RIMBP2: variants seen among roughly 807,000 people sequenced by gnomAD.
RIMBP2 encodes RIMS binding protein 2.
In RIMBP2, 48 loss-of-function variants were observed where a neutral mutation model predicts 118.6. The ratio of observed to expected loss-of-function variants is 0.40; its 90% CI spans 0.32 to 0.51. RIMBP2 has a LOEUF of 0.51. RIMBP2 is among the 20% of genes least tolerant of loss of function. The probability of loss-of-function intolerance (pLI) is 0.41; values close to 1 mark genes in which losing one functional copy is unlikely to be tolerated. For synonymous variants in RIMBP2, 762 were observed against 742.9 expected (o/e 1.03, Z -0.42); for missense variants, 1,551 against 1,768.3 (o/e 0.88, Z 2.20).
At chr12:130,468,034 T>C (rs1335474454) in intron 6 of RIMBP2, among the ~76,000 whole-genome samples, 1 of 152,132 alleles carries the variant, frequency 6.6e-6, no homozygotes, top group Non-Finnish European at 1.5e-5. Flanking sequence ...GAATGTTCTG[T>C]CTACAGAAAG....
chr12:130,472,768 C>T (rs1036271345), intron 5 of RIMBP2, among the ~76,000 whole-genome samples: 2 of 152,120 alleles, frequency 1.3e-5, no homozygotes, highest in Non-Finnish European at 2.9e-5. Context: ...AATGAAGAGT[C>T]GTCTGAGGTT....
At chr12:130,409,273 C>A (rs1218419492) in intron 19 of RIMBP2, among the ~76,000 whole-genome samples, 1 of 150,580 alleles carries the variant, frequency 6.6e-6, no homozygotes, top group African/African-American at 2.4e-5. Context: ...GATCTGTTTC[C>A]TGTCCCAGAC....
chr12:130,598,043 A>G (rs1409360420), intron 2 of RIMBP2, among the ~76,000 whole-genome samples: 2 of 152,254 alleles, frequency 1.3e-5, no homozygotes. Flanking sequence ...TTGGCAAGGT[A>G]GCAGAAAAGG....
At chr12:130,561,426 G>A (rs1053467660) in intron 2 of RIMBP2, among the ~76,000 whole-genome samples, 2 of 152,130 alleles carry the variant, frequency 1.3e-5, no homozygotes, top group Non-Finnish European at 2.9e-5. Context: ...GTTAAAAGAG[G>A]AGCGTCAGAT....
In RIMBP2 at chr12:130,442,551, G is replaced by A. The variant is rs750461647; in HGVS notation, c.801C>T (p.Asn267=). ...ASTLGNEQDQ[N]FINHSGIGLE... ...GGCCGATGCCGGAATGGTTGATGAAGTTCTGATCCTGCTCGTTCCCCAGCG... is the reference window on the plus strand; with the variant it reads ...GGCCGATGCCGGAATGGTTGATGAAATTCTGATCCTGCTCGTTCCCCAGCG... The change falls in exon 11 of 23, where the codon AAC becomes AAT. Residue 267 remains asparagine (N), a synonymous_variant. Transcript: ENST00000690449. This position sits in a 1 kb window ranked among gnomAD's most constrained non-coding sequence, Gnocchi z 6.9. 2.5e-6 allele frequency: 4 copies of A among 1,614,084 alleles called. No homozygotes were observed. The African/African-American group carries it at 4.0e-5, about 16-fold the overall frequency.
intron 3 of RIMBP2, among the ~76,000 whole-genome samples, chr12:130,517,379 C>T (rs11609863): frequency 0.052 from 7,849 of 152,160 alleles, 273 homozygotes; most frequent in South Asian, 0.16. Flanking sequence ...AAATAGATTC[C>T]TTTTCTTTAT....
intron 1 of RIMBP2, among the ~76,000 whole-genome samples, chr12:130,686,152 C>T (rs923199942): frequency 6.6e-5 from 10 of 152,202 alleles, no homozygotes; most frequent in Non-Finnish European, 2.9e-5. Context: ...CTGGCAGTCA[C>T]GGCCAGAGCC....
Position 130,442,273 on chromosome 12 carries a change from T to A in RIMBP2, c.1079A>T (p.Asn360Ile), listed in dbSNP as rs78067928. The change falls in exon 11 of 23, where the codon AAC (asparagine) becomes ATC (isoleucine). Residue 360 changes from asparagine (N) to isoleucine (I), a missense_variant. Asn to Ile is a moderately radical substitution (Grantham distance 149). Transcript: ENST00000690449. This position sits in a 1 kb window ranked among gnomAD's most constrained non-coding sequence, Gnocchi z 6.9. The stretch of plus-strand genomic sequence containing the variant: ...TTTAGTTCTGCTCCCCAGCGTGAGG[T>A]TCATGCGTGTCTCCTTGTCCACCAG... The part of the protein sequence containing the change: ...NVLVDKETRM[N>I]LTLGSRTKAL... 6.6e-3 allele frequency: 10,676 copies of A among 1,613,986 alleles called. 49 individuals carry two copies. Among genetic ancestry groups the A allele is most frequent in the Non-Finnish European group, 8.0e-3 (9,435 of 1,180,000 alleles).
intron 7 of RIMBP2, 69 bp from the exon 8 acceptor site, chr12:130,451,409 C>G (rs74471843): frequency 6.7e-7 from 1 of 1,502,138 alleles, no homozygotes; most frequent in Non-Finnish European, 9.0e-7. Context: ...GTTGGTCATG[C>G]GCCTACCCGG....
chr12:130,615,293 ATATGTG>A (rs1566372175), intron 2 of RIMBP2, among the ~76,000 whole-genome samples: 1 of 129,542 alleles, frequency 7.7e-6, no homozygotes, highest in African/African-American at 2.8e-5. Context: ...ATATATATAT[ATATGTG>A]TACACACAAA....
At chr12:130,571,272 G>A (rs1463762434) in intron 2 of RIMBP2, among the ~76,000 whole-genome samples, 1 of 152,148 alleles carries the variant, frequency 6.6e-6, no homozygotes, top group Non-Finnish European at 1.5e-5. Flanking sequence ...AAACAGCCAT[G>A]CATGGGTCCC....
intron 1 of RIMBP2, among the ~76,000 whole-genome samples, chr12:130,684,853 C>A (rs752504324): frequency 6.6e-6 from 1 of 152,116 alleles, no homozygotes; most frequent in Non-Finnish European, 1.5e-5. Flanking sequence ...TGCCCTGCTC[C>A]GTCTATGGAG....
intron 2 of RIMBP2, among the ~76,000 whole-genome samples, chr12:130,547,661 C>A (rs181051656): frequency 6.6e-6 from 1 of 152,192 alleles, no homozygotes. Flanking sequence ...GTCACGTCAG[C>A]CCCGAAATGG....
intron 2 of RIMBP2, among the ~76,000 whole-genome samples, chr12:130,568,546 T>G (rs1055208506): frequency 6.6e-6 from 1 of 152,204 alleles, no homozygotes; most frequent in African/African-American, 2.4e-5. Context: ...CGTGCTCCCC[T>G]CTGGGAAACC....
rs111914421 is a variant in RIMBP2, at chr12:130,457,967, G to C, written c.154-1267C>G. On this transcript the variant is annotated intron_variant, in intron 6 of 22. Transcript: ENST00000690449. ...CATCTGTGGGGCTGACGACACTGAC[G>C]TTTCCCCCAGTGAAATGTCAGCCCC... is the stretch of plus-strand genomic sequence containing the variant. Among the ~76,000 whole-genome samples the C allele has an allele frequency of 5.0e-3, 766 of 152,202 alleles. 6 individuals carry two copies. The highest frequency in any genetic ancestry group is 0.016 in the African/African-American group (685 of 41,520).
At chr12:130,583,678 C>T (rs1477021992) in intron 2 of RIMBP2, among the ~76,000 whole-genome samples, 1 of 151,616 alleles carries the variant, frequency 6.6e-6, no homozygotes, top group African/African-American at 2.4e-5. Context: ...ACTATCACGA[C>T]TATTACATCA....
intron 4 of RIMBP2, among the ~76,000 whole-genome samples, chr12:130,479,618 C>T (rs1402394091): frequency 3.2e-5 from 4 of 126,874 alleles, no homozygotes; most frequent in African/African-American, 4.6e-5. Context: ...GGCCTCGGGC[C>T]GAGTCCGCAC....
chr12:130,564,331 G>GGT (rs1555292838), intron 2 of RIMBP2, among the ~76,000 whole-genome samples: 1 of 151,684 alleles, frequency 6.6e-6, no homozygotes, highest in Non-Finnish European at 1.5e-5. Flanking sequence ...TCAGCACTGT[G>GGT]TTTTTTTCCC....
rs1423357001 is a variant in RIMBP2 at position 130,585,369 on chromosome 12, C to G, written c.-217+42953G>C. The stretch of plus-strand genomic sequence containing the variant: ...GGATCAAATACATTCGTCGAAAATT[C>G]GGTAGGAAATTCACAGCCCACACAC... On this transcript the variant is annotated intron_variant, in intron 2 of 22. Transcript: ENST00000690449. 3.9e-5 allele frequency among the ~76,000 whole-genome samples: 6 copies of G among 152,062 alleles called. No homozygotes were observed. The East Asian group carries it at 9.6e-4, about 24-fold the overall frequency.
Sources: gnomAD v4.1 joint callset for allele counts (sites outside exome capture counted in the v4.1 genomes callset) on GRCh38, gnomAD v4.1.1 for gene constraint, Gnocchi (gnomAD v3.1) non-coding constraint, MANE v1.5 for transcripts, NCBI Gene and HGNC (gene_info 2026-07-23, HGNC 2026-07-21) for gene names.